Variants in KAZN observed in about 807,000 individuals in gnomAD.
The protein encoded by KAZN is kazrin.
Under a neutral mutation model 87.4 loss-of-function variants are expected in KAZN, and 40 were observed. That is an observed-to-expected ratio of 0.46 (90% CI 0.36 to 0.60). The LOEUF (loss-of-function observed/expected upper bound fraction) is 0.60. KAZN is among the 20% of genes least tolerant of loss of function. The pLI, the probability that KAZN is intolerant of heterozygous loss-of-function variation, is 0.00. For synonymous variants in KAZN, 466 were observed against 458.3 expected, an observed-to-expected ratio of 1.02 and a Z score of -0.22; for missense variants, 898 against 1,073.9, an observed-to-expected ratio of 0.84 and a Z score of 2.29.
At chr1:14,218,089 A>G (rs981198939) in intron 2 of KAZN, among the ~76,000 whole-genome samples, 1 of 152,110 alleles carries the variant, frequency 6.6e-6, no homozygotes, top group Non-Finnish European at 1.5e-5. Flanking sequence ...ACTGAGTGCT[A>G]TATATATTTA....
intron 1 of KAZN, among the ~76,000 whole-genome samples, chr1:13,934,910 C>G (rs556622515): frequency 6.6e-6 from 1 of 152,030 alleles, no homozygotes; most frequent in Non-Finnish European, 1.5e-5. Flanking sequence ...GAGTTTTTAC[C>G]GAGAGATGAA....
At chr1:14,817,903 C>T (rs1194146572) in intron 1 of KAZN, among the ~76,000 whole-genome samples, 1 of 152,206 alleles carries the variant, frequency 6.6e-6, no homozygotes, top group African/African-American at 2.4e-5. Flanking sequence ...AGCAATTACA[C>T]AGCCTGTCAA....
At chr1:14,589,576 C>A (rs532902890) in intron 2 of KAZN, among the ~76,000 whole-genome samples, 2 of 152,168 alleles carry the variant, frequency 1.3e-5, no homozygotes, top group Non-Finnish European at 2.9e-5. Context: ...TCCCGGGGCA[C>A]TTTGGTGTTG....
intron 1 of KAZN, among the ~76,000 whole-genome samples, chr1:14,676,158 C>G (rs867334142): frequency 6.6e-6 from 1 of 152,154 alleles, no homozygotes; most frequent in African/African-American, 2.4e-5. Context: ...TTTCCCTCCT[C>G]GGATGCTGGC....
chr1:14,279,954 GT>G (rs1487074721), intron 2 of KAZN, among the ~76,000 whole-genome samples: 1 of 152,110 alleles, frequency 6.6e-6, no homozygotes, highest in African/African-American at 2.4e-5. Flanking sequence ...GTGAGTCACT[GT>G]TAGGGATTGG....
chr1:14,353,851 C>T (rs1013852227), intron 2 of KAZN, among the ~76,000 whole-genome samples: 2 of 152,082 alleles, frequency 1.3e-5, no homozygotes, highest in Admixed American at 1.3e-4. Context: ...ATCAATTCTC[C>T]CTAAGTTGAT....
chr1:15,048,550 T>C (rs72639851), intron 4 of KAZN, among the ~76,000 whole-genome samples: 6,887 of 151,958 alleles, frequency 0.045, 194 homozygotes, highest in Non-Finnish European at 0.067. Flanking sequence ...CGTTGATCCT[T>C]GGTTGTTGGT....
intron 2 of KAZN, among the ~76,000 whole-genome samples, chr1:14,961,244 C>T (rs1013666239): frequency 2.6e-5 from 4 of 152,188 alleles, no homozygotes; most frequent in African/African-American, 7.2e-5. Flanking sequence ...AGTGTGGCTA[C>T]GCTGATTTCT....
At chr1:14,170,060 A>AT (rs1198922123) in intron 1 of KAZN, among the ~76,000 whole-genome samples, 1 of 152,158 alleles carries the variant, frequency 6.6e-6, no homozygotes, top group African/African-American at 2.4e-5. Flanking sequence ...ATGGAGCCAC[A>AT]TTGATCCTCC....
At chr1:13,929,485 C>G (rs539320543) in intron 1 of KAZN, among the ~76,000 whole-genome samples, 2 of 152,142 alleles carry the variant, frequency 1.3e-5, no homozygotes, top group South Asian at 2.1e-4. Flanking sequence ...TCCATCATTG[C>G]GACACCTTCT....
chr1:14,851,015 A>T (rs774049635), intron 1 of KAZN, among the ~76,000 whole-genome samples: 14 of 152,156 alleles, frequency 9.2e-5, no homozygotes, highest in Non-Finnish European at 1.8e-4. Context: ...CAGTGCTGGG[A>T]TCAGAGCAGA....
intron 5 of KAZN, among the ~76,000 whole-genome samples, chr1:15,059,859 T>C (rs1009735590): frequency 2.0e-5 from 3 of 152,000 alleles, no homozygotes; most frequent in Admixed American, 6.5e-5. Flanking sequence ...CTTTCCTGTA[T>C]TGGACTTGGA....
At chr1:14,055,628 CAG>C (rs533655537) in intron 1 of KAZN, among the ~76,000 whole-genome samples, 134 of 152,256 alleles carry the variant, frequency 8.8e-4, no homozygotes, top group African/African-American at 2.8e-3. Context: ...GATCATCAGA[CAG>C]GGGTTCAGCT....
At chr1:14,779,966 A>G (rs904337547) in intron 1 of KAZN, among the ~76,000 whole-genome samples, 2 of 152,222 alleles carry the variant, frequency 1.3e-5, no homozygotes, top group Non-Finnish European at 2.9e-5. Context: ...TTGCAATAAC[A>G]GGTAACATTT....
At chr1:14,474,255 G>C (rs892704887) in intron 2 of KAZN, among the ~76,000 whole-genome samples, 1 of 152,078 alleles carries the variant, frequency 6.6e-6, no homozygotes, top group Non-Finnish European at 1.5e-5. Context: ...TTAGGGAAAG[G>C]AGAATAGACA....
chr1:13,934,474 C>A (rs1305645174), intron 1 of KAZN, among the ~76,000 whole-genome samples: 2 of 152,152 alleles, frequency 1.3e-5, no homozygotes, highest in Non-Finnish European at 2.9e-5. Context: ...ATAAGCAGAA[C>A]AAATGAACAC....
chr1:14,098,154 C>T (rs1477645640), intron 1 of KAZN, among the ~76,000 whole-genome samples: 1 of 152,124 alleles, frequency 6.6e-6, no homozygotes, highest in Non-Finnish European at 1.5e-5. Flanking sequence ...TGTGCTGCCT[C>T]AGTCATCTGT....
intron 2 of KAZN, among the ~76,000 whole-genome samples, chr1:14,395,166 T>A (rs1662790270): frequency 6.7e-6 from 1 of 148,526 alleles, no homozygotes; most frequent in Non-Finnish European, 1.5e-5. Flanking sequence ...AAAGAGGGAG[T>A]AAAAGAAAAG....
chr1:14,248,612 G>A (rs1287570924), intron 2 of KAZN, among the ~76,000 whole-genome samples: 2 of 152,244 alleles, frequency 1.3e-5, no homozygotes, highest in Admixed American at 1.3e-4. Context: ...AGACTGGGAA[G>A]GGGAGAATGT....
Sources: gnomAD v4.1 joint callset for allele counts (sites outside exome capture counted in the v4.1 genomes callset) on GRCh38, gnomAD v4.1.1 for gene constraint, MANE v1.5 for transcripts, NCBI Gene and HGNC (gene_info 2026-07-23, HGNC 2026-07-21) for gene names.